Variants in UBE3D observed in about 807,000 individuals in gnomAD.
UBE3D encodes the protein E3 ubiquitin-protein ligase E3D.
UBE3D carries 48 observed loss-of-function variants against 49.6 expected under a neutral mutation model. The ratio of observed to expected loss-of-function variants is 0.97; its 90% confidence interval spans 0.77 to 1.23. The LOEUF is 1.23. Among genes scored for constraint, UBE3D ranks in the 50% most tolerant of loss-of-function variants. UBE3D has a pLI of 0.00. For synonymous variants in UBE3D, 189 were observed against 174.2 expected (o/e 1.08, Z -0.67); for missense variants, 452 against 468.4 (o/e 0.96, Z 0.32).
chr6:82,939,703 C>G (rs1331587666), intron 9 of UBE3D, among the ~76,000 whole-genome samples: 1 of 152,148 alleles, frequency 6.6e-6, no homozygotes, highest in Non-Finnish European at 1.5e-5. Flanking sequence ...TCTGTCCCAG[C>G]CCATCCAGGT....
intron 5 of UBE3D, among the ~76,000 whole-genome samples, chr6:83,035,406 A>G (rs1175502036): frequency 6.6e-6 from 1 of 152,170 alleles, no homozygotes; most frequent in South Asian, 2.1e-4. Context: ...TAAACCTTTG[A>G]GAATTGTGTT....
intron 8 of UBE3D, among the ~76,000 whole-genome samples, chr6:82,996,189 G>C (rs1049660899): frequency 1.3e-5 from 2 of 152,100 alleles, no homozygotes; most frequent in Non-Finnish European, 2.9e-5. Flanking sequence ...GGTGAGTCTG[G>C]AGTATTTTGT....
At chr6:82,886,451 C>G in the UBE3D span, among the ~76,000 whole-genome samples, 1 of 152,188 alleles carries the variant, frequency 6.6e-6, no homozygotes, top group Non-Finnish European at 1.5e-5. Context: ...CCACTCACCT[C>G]CTGCTGTGTA....
chr6:83,049,712 T>C, intron 3 of UBE3D: 2 of 470,454 alleles, frequency 4.3e-6, no homozygotes, highest in Non-Finnish European at 8.8e-6. Context: ...ACCTTACCAG[T>C]GCAGGGAGAA....
intron 9 of UBE3D, among the ~76,000 whole-genome samples, chr6:82,939,444 A>G (rs1774842693): frequency 1.3e-5 from 2 of 152,250 alleles, no homozygotes; most frequent in Admixed American, 6.5e-5. Flanking sequence ...GACCACATGT[A>G]CAACAGTAGT....
At position 82,948,234 on chromosome 6, in the gene UBE3D, A is replaced by C. The variant is rs948880230; in HGVS notation, c.1149+9078T>G. 1.9e-4 allele frequency among the ~76,000 whole-genome samples: 29 copies of C among 152,126 alleles called. No homozygotes were observed. The South Asian group carries it at 2.9e-3, about 15-fold the overall frequency. ...ACTGCAGAAACTCATAGGATCATTA[A>C]TGGCTACTATGAGCAGCTATATGCC... On this transcript the variant is annotated intron_variant, in intron 9 of 9. Coordinates refer to ENST00000369747, the MANE Select transcript of UBE3D (RefSeq NM_198920.3).
intron 5 of UBE3D, among the ~76,000 whole-genome samples, chr6:83,032,625 G>GGAA (rs1781960101): frequency 6.6e-6 from 1 of 152,178 alleles, no homozygotes; most frequent in African/African-American, 2.4e-5. Context: ...TGAAATGTGA[G>GGAA]GACATGAGAT....
intron 9 of UBE3D, among the ~76,000 whole-genome samples, chr6:82,953,127 C>T (rs1448754924): frequency 6.6e-6 from 1 of 152,188 alleles, no homozygotes; most frequent in African/African-American, 2.4e-5. Context: ...CTGAAGCACA[C>T]AGAGTGAAAT....
chr6:83,032,771 T>C (rs1781972805), intron 5 of UBE3D, among the ~76,000 whole-genome samples: 1 of 151,680 alleles, frequency 6.6e-6, no homozygotes, highest in Admixed American at 6.6e-5. Flanking sequence ...GGGGGCGGGG[T>C]TTTCCTGTCC....
chr6:82,914,881 C>T (rs766810322), intron 9 of UBE3D, among the ~76,000 whole-genome samples: 4 of 150,730 alleles, frequency 2.7e-5, no homozygotes, highest in Non-Finnish European at 5.9e-5. Flanking sequence ...AACCTATGTC[C>T]ATCCTCTCTC....
intron 9 of UBE3D, among the ~76,000 whole-genome samples, chr6:82,934,748 T>C (rs1342802390): frequency 1.3e-5 from 2 of 151,082 alleles, no homozygotes; most frequent in African/African-American, 2.4e-5. Flanking sequence ...GCTATGTTAA[T>C]ATCTTCATAG....
At chr6:83,030,298 T>C (rs185678834) in intron 5 of UBE3D, among the ~76,000 whole-genome samples, 1 of 152,322 alleles carries the variant, frequency 6.6e-6, no homozygotes, top group Non-Finnish European at 1.5e-5. Flanking sequence ...CCATGTATCA[T>C]GGGAGGGACC....
At chr6:83,054,120 A>G (rs1783655680) in intron 3 of UBE3D, 28 bp downstream of exon 3, 1 of 1,563,730 alleles carries the variant, frequency 6.4e-7, no homozygotes. Flanking sequence ...CAGGCACAGA[A>G]TTAATCAGTG....
chr6:82,893,693 G>A (rs1771104413), intron 9 of UBE3D, among the ~76,000 whole-genome samples: 1 of 152,196 alleles, frequency 6.6e-6, no homozygotes, highest in Admixed American at 6.5e-5. Flanking sequence ...GCCAATATGA[G>A]GAAGAGAGTC....
Position 83,044,526 on chromosome 6 carries a change from AAG to A in UBE3D, c.497_498del (p.Ser166PhefsTer16). The A allele has an allele frequency of 6.2e-7, 1 of 1,614,142 alleles. No individual in the cohort carries two copies. Among genetic ancestry groups the A allele is most frequent in the South Asian group, 1.1e-5 (1 of 91,084 alleles). ...PQENDCFIGD[S>X]FFLVNLRTSL... ...CTGGTTCTTAAATTCACCAAGAAGAAAGAGTCTCCAATAAAACAGTCATTCTC... is the reference window on the plus strand; with the variant it reads ...CTGGTTCTTAAATTCACCAAGAAGAAAGTCTCCAATAAAACAGTCATTCTC... On this transcript the variant is annotated frameshift_variant, in exon 4 of 10. Transcript: ENST00000369747. LOFTEE classifies it high-confidence loss of function.
At chr6:82,947,690 A>C (rs1260570927) in intron 9 of UBE3D, among the ~76,000 whole-genome samples, 1 of 152,020 alleles carries the variant, frequency 6.6e-6, no homozygotes, top group African/African-American at 2.4e-5. Context: ...CAATGGAATA[A>C]AACCTTAAAT....
intron 9 of UBE3D, among the ~76,000 whole-genome samples, chr6:82,955,987 C>G (rs781431580): frequency 3.3e-5 from 5 of 152,198 alleles, no homozygotes; most frequent in Non-Finnish European, 7.3e-5. Context: ...CTATGAGTGC[C>G]TGAGGCTCAG....
intron 8 of UBE3D, among the ~76,000 whole-genome samples, chr6:83,000,568 C>T (rs12212188): frequency 0.2 from 30,105 of 152,220 alleles, 3,013 homozygotes; most frequent in African/African-American, 0.21. Context: ...GAACAATCTT[C>T]CTGAAGCTTA....
intron 9 of UBE3D, among the ~76,000 whole-genome samples, chr6:82,927,619 G>A (rs1773852162): frequency 6.6e-6 from 1 of 151,880 alleles, no homozygotes; most frequent in African/African-American, 2.4e-5. Flanking sequence ...TCACATTTGG[G>A]GGGCTAATGT....
Sources: gnomAD v4.1 joint callset for allele counts (sites outside exome capture counted in the v4.1 genomes callset) on GRCh38, gnomAD v4.1.1 for gene constraint, MANE v1.5 for transcripts, NCBI Gene and HGNC (gene_info 2026-07-23, HGNC 2026-07-21) for gene names.